FBXW4: variants seen among roughly 807,000 people sequenced by gnomAD.
FBXW4 encodes F-box/WD repeat-containing protein 4.
A neutral mutation model predicts 61.8 loss-of-function variants in FBXW4; 40 were observed. The observed-to-expected ratio is 0.65, with a 90% CI of 0.50 to 0.84. The LOEUF (loss-of-function observed/expected upper bound fraction) is 0.84. Ranked by LOEUF, FBXW4 falls within the 40% of genes least tolerant of loss-of-function variation. FBXW4 has a pLI of 0.00. For missense variants in FBXW4, 672 were observed against 753.8 expected, an observed-to-expected ratio of 0.89 and a Z score of 1.27; for synonymous variants, 311 against 313.8, an observed-to-expected ratio of 0.99 and a Z score of 0.10.
rs372059824 is a variant in FBXW4, at chr10:101,658,662, G to A, written c.1235+9224C>T. Among the ~76,000 whole-genome samples the A allele has an allele frequency of 3.3e-5, 5 of 152,100 alleles. No individual in the cohort carries two copies. In the South Asian group the frequency reaches 6.2e-4, roughly 19 times the overall value. ...GCCTGAGAGCCACCTAATTGCAGGA[G>A]GATGGAGTGATCCTTCTACCTGTGA... On this transcript the variant is annotated intron_variant, in intron 5 of 8. Transcript: ENST00000331272.
intron 5 of FBXW4, among the ~76,000 whole-genome samples, chr10:101,658,248 T>TA (rs894165547): frequency 1.3e-4 from 20 of 151,616 alleles, no homozygotes; most frequent in East Asian, 1.9e-4. Context: ...TATTTAAAAA[T>TA]AAAAAAAATG....
chr10:101,690,660 C>T (rs1022981387), intron 1 of FBXW4, among the ~76,000 whole-genome samples: 1 of 152,240 alleles, frequency 6.6e-6, no homozygotes, highest in African/African-American at 2.4e-5. Context: ...CAGTTAGGAA[C>T]AGCCAAACTG....
intron 5 of FBXW4, among the ~76,000 whole-genome samples, chr10:101,663,928 G>A (rs1458742898): frequency 6.6e-6 from 1 of 152,216 alleles, no homozygotes; most frequent in Admixed American, 6.5e-5. Context: ...TACCGGTGTT[G>A]AACAATAAGA....
At chr10:101,692,308 T>TTA (rs2064614334) in intron 1 of FBXW4, among the ~76,000 whole-genome samples, 2 of 150,322 alleles carry the variant, frequency 1.3e-5, no homozygotes, top group East Asian at 1.9e-4. Flanking sequence ...CATGTGTATA[T>TTA]TATATATAAT....
rs115680910 is a variant in FBXW4 at position 101,662,618 on chromosome 10, C to T, written c.1235+5268G>A. ...GTCATGGGAAGCCTTCCTGACCACACTCTCTCACACGATAGCAAGTGTCCT... is the reference window on the plus strand; with the variant it reads ...GTCATGGGAAGCCTTCCTGACCACATTCTCTCACACGATAGCAAGTGTCCT... On this transcript the variant is annotated intron_variant, in intron 5 of 8. Coordinates refer to ENST00000331272, the MANE Select transcript of FBXW4 (RefSeq NM_022039.4). Among the ~76,000 whole-genome samples, 465 of 152,338 alleles carry T rather than the reference C, an allele frequency of 3.1e-3. 5 individuals are homozygous for T. Among genetic ancestry groups the T allele is most frequent in the African/African-American group, 0.011 (451 of 41,574 alleles).
chr10:101,673,468 G>A lies in FBXW4; in HGVS notation c.1007+20C>T, dbSNP rs1473121955. The A allele has an allele frequency of 4.3e-6, 7 of 1,612,910 alleles. No homozygotes were observed. The highest frequency in any genetic ancestry group is 2.7e-5 in the African/African-American group (2 of 74,888). ...AGTATAAGATGGAAAAGGGTGGAAG[G>A]AGAAACCTATAGCACTTACCCTCCT... On this transcript the variant is annotated intron_variant, in intron 3 of 8. Transcript: ENST00000331272.
At chr10:101,616,321 C>T (rs1291498020) in intron 6 of FBXW4, among the ~76,000 whole-genome samples, 3 of 152,158 alleles carry the variant, frequency 2.0e-5, no homozygotes, top group African/African-American at 7.2e-5. Flanking sequence ...TTCCTTCAGT[C>T]GAGCATCTTC....
At chr10:101,667,754 TA>T in intron 5 of FBXW4, 131 bp downstream of exon 5, 1 of 753,452 alleles carries the variant, frequency 1.3e-6, no homozygotes, top group East Asian at 2.5e-5. Flanking sequence ...TCTGGAGGAT[TA>T]AAAAATCTCC....
intron 5 of FBXW4, among the ~76,000 whole-genome samples, chr10:101,631,058 C>CT (rs562647937): frequency 7.5e-4 from 111 of 148,228 alleles, no homozygotes; most frequent in African/African-American, 1.1e-3. Context: ...ATAAACACAA[C>CT]TTTTTTTTTT....
chr10:101,666,768 G>T (rs1428663855), intron 5 of FBXW4, among the ~76,000 whole-genome samples: 2 of 152,144 alleles, frequency 1.3e-5, no homozygotes, highest in Non-Finnish European at 2.9e-5. Context: ...CATAGGTAAA[G>T]TTAGAGATAT....
intron 5 of FBXW4, among the ~76,000 whole-genome samples, chr10:101,641,132 A>G (rs747784365): frequency 5.3e-5 from 8 of 152,092 alleles, no homozygotes; most frequent in Non-Finnish European, 1.0e-4. Flanking sequence ...CGCCCAGCCA[A>G]CCCTTCCATT....
In FBXW4 at chr10:101,624,701, C is replaced by G; in HGVS notation, c.1301+44G>C. On this transcript the variant is annotated intron_variant, in intron 6 of 8. Transcript: ENST00000331272. ...GAGGCTGGCTCAGCAAGCTTTCCCT[C>G]ACCTCCTGGACTGGAAGCCAGCATG... The G allele has an allele frequency of 1.9e-6, 3 of 1,608,040 alleles. No individual in the cohort carries two copies. In the South Asian group the frequency reaches 3.3e-5, roughly 18 times the overall value.
chr10:101,660,993 G>C (rs942038384), intron 5 of FBXW4, among the ~76,000 whole-genome samples: 3 of 152,186 alleles, frequency 2.0e-5, no homozygotes, highest in Admixed American at 6.5e-5. Flanking sequence ...GAGAGTGGAA[G>C]GTGGGTATTG....
chr10:101,677,789 A>G (rs2064429528), intron 1 of FBXW4, among the ~76,000 whole-genome samples: 1 of 151,370 alleles, frequency 6.6e-6, no homozygotes, highest in Non-Finnish European at 1.5e-5. Flanking sequence ...CCCTCTCTAA[A>G]AAAAAAAAAA....
chr10:101,651,263 G>A (rs1395141461), intron 5 of FBXW4, among the ~76,000 whole-genome samples: 1 of 152,122 alleles, frequency 6.6e-6, no homozygotes, highest in Admixed American at 6.5e-5. Flanking sequence ...CCCAGAAAGA[G>A]GGGACTAATT....
intron 6 of FBXW4, among the ~76,000 whole-genome samples, chr10:101,618,064 G>A (rs1248463583): frequency 6.6e-6 from 1 of 152,226 alleles, no homozygotes; most frequent in African/African-American, 2.4e-5. Context: ...CACTAACAGT[G>A]CTCTCAGAGT....
At chr10:101,620,785 G>A (rs182327566) in intron 6 of FBXW4, among the ~76,000 whole-genome samples, 2 of 152,118 alleles carry the variant, frequency 1.3e-5, no homozygotes, top group African/African-American at 4.8e-5. Context: ...GCTAATCACT[G>A]TCTCATACCT....
At position 101,611,859 on chromosome 10, in the gene FBXW4, G is replaced by A. The variant is rs1397652846; in HGVS notation, c.1443-90C>T. 40 of 1,422,860 alleles carry A rather than the reference G, an allele frequency of 2.8e-5. No homozygotes were observed. The highest frequency in any genetic ancestry group is 1.7e-4 in the East Asian group (7 of 41,862). The allele number at this position is 1,422,860 out of a possible 1,614,324, so 88.1% of individuals were successfully genotyped here. ...TGGGCCTAGAGTGGCTGAGGGGAGC[G>A]TTAAGGAGCCATTCCGGGATGGAAG... is the stretch of plus-strand genomic sequence containing the variant. On this transcript the variant is annotated intron_variant, in intron 7 of 8. Coordinates refer to ENST00000331272, the MANE Select transcript of FBXW4 (RefSeq NM_022039.4). The surrounding 1 kb of genome is among the most constrained non-coding windows in gnomAD (Gnocchi z 4.9).
intron 6 of FBXW4, among the ~76,000 whole-genome samples, chr10:101,616,833 T>C (rs2063829215): frequency 6.6e-6 from 1 of 152,250 alleles, no homozygotes; most frequent in African/African-American, 2.4e-5. Flanking sequence ...AAACAGTGAT[T>C]GTCCTAGTCC....
Sources: gnomAD v4.1 joint callset for allele counts (sites outside exome capture counted in the v4.1 genomes callset) on GRCh38, gnomAD v4.1.1 for gene constraint, Gnocchi (gnomAD v3.1) non-coding constraint, MANE v1.5 for transcripts, NCBI Gene and HGNC (gene_info 2026-07-23, HGNC 2026-07-21) for gene names.